The following FRAS1 variants were observed in gnomAD, a reference collection of about 807,000 sequenced individuals.
FRAS1 encodes the protein Fraser extracellular matrix complex subunit 1.
A neutral mutation model predicts 435.2 loss-of-function variants in FRAS1; 290 were observed. The ratio of observed to expected loss-of-function variants is 0.67; its 90% CI spans 0.61 to 0.73. The LOEUF (loss-of-function observed/expected upper bound fraction) is 0.73, where lower values mean the gene tolerates loss of function less well. Among genes scored for constraint, FRAS1 ranks in the 30% least tolerant of loss-of-function variants. The probability of loss-of-function intolerance (pLI) is 0.00; values close to 1 mark genes in which losing one functional copy is unlikely to be tolerated. For missense variants in FRAS1, 4,860 were observed against 5,001.5 expected, an observed-to-expected ratio of 0.97 and a Z score of 0.85; for synonymous variants, 1,800 against 1,851.0, an observed-to-expected ratio of 0.97 and a Z score of 0.71.
At chr4:78,193,902 G>T (rs1197186225) in intron 2 of FRAS1, among the ~76,000 whole-genome samples, 1 of 152,208 alleles carries the variant, frequency 6.6e-6, no homozygotes, top group Non-Finnish European at 1.5e-5. Flanking sequence ...TTTTGCAGTG[G>T]CTGGTACTGG....
rs1328889828 is a variant in FRAS1 at position 78,387,376 on chromosome 4, C to T, written c.3650C>T (p.Ala1217Val). 1.9e-6 allele frequency: 3 copies of T among 1,599,482 alleles called. No individual in the cohort carries two copies. The African/African-American group carries it at 4.0e-5, about 21-fold the overall frequency. The change falls in exon 29 of 74, where the codon GCC becomes GTC. Residue 1217 changes from alanine to valine, a missense_variant and splice_region_variant. By Grantham distance (64) the Ala-to-Val change is moderately conservative (BLOSUM62 0). Coordinates refer to ENST00000512123, the MANE Select transcript of FRAS1 (RefSeq NM_025074.7). ...LINIQAFSTQ[A>V]PYVLRNEVLH... is the part of the protein sequence containing the mutation. ...CTCTTCTTCCCTTCAACTCCACAGG[C>T]CCCCTATGTGCTGAGAAATGAAGTT...
intron 2 of FRAS1, among the ~76,000 whole-genome samples, chr4:78,188,601 AG>A (rs1391346616): frequency 6.6e-6 from 1 of 152,242 alleles, no homozygotes; most frequent in Non-Finnish European, 1.5e-5. Context: ...AACTGATTAT[AG>A]ATGTTGATCA....
chr4:78,217,809 C>T (rs1723835274), intron 2 of FRAS1, among the ~76,000 whole-genome samples: 1 of 118,594 alleles, frequency 8.4e-6, no homozygotes, highest in African/African-American at 3.2e-5. Flanking sequence ...CTCTCCCCTC[C>T]CCTCTCCTCC....
At chr4:78,300,716 A>G (rs538579957) in intron 14 of FRAS1, among the ~76,000 whole-genome samples, 64 of 152,256 alleles carry the variant, frequency 4.2e-4, no homozygotes, top group African/African-American at 1.4e-3. Context: ...TTGGTCTCCA[A>G]GGTCAAATTT....
chr4:78,375,344 G>A (rs1034186981), intron 25 of FRAS1, among the ~76,000 whole-genome samples: 7 of 152,148 alleles, frequency 4.6e-5, no homozygotes, highest in Admixed American at 3.3e-4. Flanking sequence ...TGCTATTAAT[G>A]TTCCCATTTT....
chr4:78,240,570 A>G (rs1349116909), intron 3 of FRAS1, among the ~76,000 whole-genome samples: 2 of 152,236 alleles, frequency 1.3e-5, no homozygotes, highest in Admixed American at 6.5e-5. Flanking sequence ...GTTTGGGACA[A>G]ATTGGTTTGA....
chr4:78,094,426 T>A (rs1741691422), intron 2 of FRAS1, among the ~76,000 whole-genome samples: 1 of 152,034 alleles, frequency 6.6e-6, no homozygotes, highest in Non-Finnish European at 1.5e-5. Flanking sequence ...ATTTTGGATA[T>A]TTTGGATCTT....
chr4:78,497,717 A>T (rs1330615514), intron 60 of FRAS1, among the ~76,000 whole-genome samples: 1 of 152,202 alleles, frequency 6.6e-6, no homozygotes, highest in Non-Finnish European at 1.5e-5. Context: ...ACAGCTGTAA[A>T]CAGCAAACCT....
intron 51 of FRAS1, among the ~76,000 whole-genome samples, chr4:78,471,335 G>A (rs1233011888): frequency 6.6e-6 from 1 of 151,942 alleles, no homozygotes; most frequent in Non-Finnish European, 1.5e-5. Flanking sequence ...TGTAGATGTT[G>A]CACTATAGCT....
chr4:78,411,313 T>C (rs1461399417), intron 31 of FRAS1, among the ~76,000 whole-genome samples: 4 of 152,090 alleles, frequency 2.6e-5, no homozygotes, highest in Non-Finnish European at 4.4e-5. Context: ...GATTTCACCA[T>C]GTTGGCCAGG....
chr4:78,251,823 G>T (rs1191268754), intron 4 of FRAS1, among the ~76,000 whole-genome samples: 1 of 152,142 alleles, frequency 6.6e-6, no homozygotes, highest in Non-Finnish European at 1.5e-5. Flanking sequence ...TAAATCCTTG[G>T]TCTGTGCAAC....
chr4:78,138,738 A>C lies in FRAS1; in HGVS notation c.108+72722A>C, dbSNP rs571162193. Among the ~76,000 whole-genome samples the C allele has an allele frequency of 2.0e-5, 3 of 152,308 alleles. No individual in the cohort carries two copies. In the East Asian group the frequency reaches 5.8e-4, roughly 29 times the overall value. Reference sequence around the variant, plus strand: ...AGATAAATCTGTGCATGAGAACATGAATGCATATGAGATAAGGTGGGCCCC... The same window carrying C: ...AGATAAATCTGTGCATGAGAACATGCATGCATATGAGATAAGGTGGGCCCC... On this transcript the variant is annotated intron_variant, in intron 2 of 73. Transcript: ENST00000512123.
intron 6 of FRAS1, among the ~76,000 whole-genome samples, chr4:78,257,636 C>T (rs1374833828): frequency 6.6e-6 from 1 of 152,120 alleles, no homozygotes; most frequent in Non-Finnish European, 1.5e-5. Flanking sequence ...AACAATCACC[C>T]ATATTTCCAC....
chr4:78,107,841 A>G (rs1184948876), intron 2 of FRAS1, among the ~76,000 whole-genome samples: 1 of 2,874 alleles, frequency 3.5e-4, no homozygotes. Context: ...AGTGTGCTGT[A>G]TTCAGGAAAC....
At chr4:78,155,012 T>C (rs533311514) in intron 2 of FRAS1, among the ~76,000 whole-genome samples, 1 of 152,342 alleles carries the variant, frequency 6.6e-6, no homozygotes, top group Non-Finnish European at 1.5e-5. Context: ...ATGATTGATA[T>C]TATTTTTGAG....
intron 3 of FRAS1, among the ~76,000 whole-genome samples, chr4:78,241,090 G>GA (rs976256959): frequency 5.9e-5 from 9 of 151,982 alleles, no homozygotes; most frequent in Admixed American, 3.9e-4. Context: ...GGAGTGAATG[G>GA]AAAGTGGGGA....
Position 78,466,331 on chromosome 4 carries a change from G to A in FRAS1, c.7153G>A (p.Val2385Ile). ...FTMKDIYQNR[V>I]SYSHDGSNSL... ...CATGAAAGATATCTACCAGAACCGGGTCAGCTACAGCCATGACGGCAGTAA... is the reference window on the plus strand; with the variant it reads ...CATGAAAGATATCTACCAGAACCGGATCAGCTACAGCCATGACGGCAGTAA... The change falls in exon 50 of 74, where the codon GTC becomes ATC. Residue 2385 changes from valine to isoleucine, a missense_variant. Transcript: ENST00000512123. 6.2e-7 allele frequency: 1 copy of A among 1,613,850 alleles called. No homozygotes were observed. The highest frequency in any genetic ancestry group is 8.5e-7 in the Non-Finnish European group (1 of 1,179,804).
chr4:78,335,168 T>G (rs1730123253), intron 19 of FRAS1, among the ~76,000 whole-genome samples: 1 of 152,190 alleles, frequency 6.6e-6, no homozygotes, highest in African/African-American at 2.4e-5. Context: ...GGTTGTCAAT[T>G]ATTGCCTAAT....
chr4:78,319,637 T>G (rs749213643), intron 18 of FRAS1: 5 of 292,246 alleles, frequency 1.7e-5, no homozygotes, highest in Non-Finnish European at 2.7e-5. Flanking sequence ...TAAAAAAATT[T>G]TATAATACAC....
Sources: allele counts gnomAD v4.1 joint callset (sites outside exome capture counted in the v4.1 genomes callset), GRCh38; gene constraint gnomAD v4.1.1; transcripts MANE v1.5; gene names NCBI Gene and HGNC (gene_info 2026-07-23, HGNC 2026-07-21).